LRRTM4: variants seen among roughly 807,000 people sequenced by gnomAD.
LRRTM4 encodes leucine-rich repeat transmembrane neuronal protein 4.
In LRRTM4, 25 loss-of-function variants were observed where a neutral mutation model predicts 47.6. The ratio of observed to expected loss-of-function variants is 0.53; its 90% confidence interval spans 0.38 to 0.73. The LOEUF (loss-of-function observed/expected upper bound fraction) is 0.73, where lower values mean the gene tolerates loss of function less well. Among genes scored for constraint, LRRTM4 ranks in the 30% least tolerant of loss-of-function variants. LRRTM4 has a pLI of 0.00. For missense variants in LRRTM4, 638 were observed against 713.4 expected (o/e 0.89, Z 1.20); for synonymous variants, 311 against 269.5 (o/e 1.15, Z -1.51).
chr2:76,792,950 G>C (rs759755802), intron 3 of LRRTM4, among the ~76,000 whole-genome samples: 4 of 152,138 alleles, frequency 2.6e-5, no homozygotes, highest in Non-Finnish European at 4.4e-5. Flanking sequence ...GGTGGAGGGT[G>C]AATCCTGTCT....
chr2:77,086,654 GTTTA>G lies in LRRTM4; in HGVS notation c.1552-337742_1552-337739del, dbSNP rs202239631. Among the ~76,000 whole-genome samples the G allele has an allele frequency of 2.5e-3, 375 of 150,904 alleles. 4 individuals are homozygous for G. Among genetic ancestry groups the G allele is most frequent in the African/African-American group, 6.7e-3 (271 of 40,682 alleles). On this transcript the variant is annotated intron_variant, in intron 3 of 3. Transcript: ENST00000409884. ...CACCATGCCTGACTTTCGTTTGTTTGTTTATTTGTTTGTTATTTTTAGTAGAGAC... is the reference window on the plus strand; with the variant it reads ...CACCATGCCTGACTTTCGTTTGTTTGTTTGTTTGTTATTTTTAGTAGAGAC...
chr2:77,321,209 C>A (rs1677778837), intron 3 of LRRTM4, among the ~76,000 whole-genome samples: 1 of 152,114 alleles, frequency 6.6e-6, no homozygotes, highest in Non-Finnish European at 1.5e-5. Flanking sequence ...AAAAATGTTT[C>A]TCTCTTGCAT....
intron 3 of LRRTM4, among the ~76,000 whole-genome samples, chr2:77,103,667 A>ATATATATATATATCTC (rs145819033): frequency 1.4e-5 from 2 of 146,274 alleles, no homozygotes; most frequent in Non-Finnish European, 3.0e-5. Flanking sequence ...ATATATAGAT[A>ATATATATATATATCTC]TATATATCAC....
intron 3 of LRRTM4, among the ~76,000 whole-genome samples, chr2:77,381,169 C>T (rs1001442595): frequency 2.0e-5 from 3 of 151,800 alleles, no homozygotes; most frequent in African/African-American, 7.3e-5. Flanking sequence ...GGAACTGAAG[C>T]ACAATAAACA....
At chr2:77,149,553 T>C (rs1356033958) in intron 3 of LRRTM4, among the ~76,000 whole-genome samples, 1 of 152,198 alleles carries the variant, frequency 6.6e-6, no homozygotes, top group Non-Finnish European at 1.5e-5. Context: ...CTTGCTAATG[T>C]ATGTGATCTG....
At chr2:76,892,497 T>C (rs1483721741) in intron 3 of LRRTM4, among the ~76,000 whole-genome samples, 1 of 151,784 alleles carries the variant, frequency 6.6e-6, no homozygotes, top group East Asian at 1.9e-4. Flanking sequence ...CCATAAGGCA[T>C]AGTTTCTCCT....
chr2:76,829,920 A>G (rs1671300521), intron 3 of LRRTM4, among the ~76,000 whole-genome samples: 1 of 152,062 alleles, frequency 6.6e-6, no homozygotes, highest in South Asian at 2.1e-4. Flanking sequence ...AGAAACATGC[A>G]TGGACATTTA....
chr2:76,967,861 A>G (rs1319911758), intron 3 of LRRTM4, among the ~76,000 whole-genome samples: 1 of 151,316 alleles, frequency 6.6e-6, no homozygotes, highest in African/African-American at 2.4e-5. Flanking sequence ...TATAATATTC[A>G]TTCCATTCTC....
chr2:77,053,992 G>A (rs1679521653), intron 3 of LRRTM4, among the ~76,000 whole-genome samples: 1 of 152,104 alleles, frequency 6.6e-6, no homozygotes, highest in South Asian at 2.1e-4. Context: ...AAAGCTTTCA[G>A]TGAAAAGTAT....
At chr2:77,007,335 A>C (rs1677694082) in intron 3 of LRRTM4, among the ~76,000 whole-genome samples, 1 of 152,186 alleles carries the variant, frequency 6.6e-6, no homozygotes. Context: ...GGAAATGCTG[A>C]GTAACTTTAG....
At chr2:76,934,413 A>C (rs1309085132) in intron 3 of LRRTM4, among the ~76,000 whole-genome samples, 1 of 152,208 alleles carries the variant, frequency 6.6e-6, no homozygotes, top group Non-Finnish European at 1.5e-5. Flanking sequence ...GACTAGGGAC[A>C]TAACAACTAA....
At chr2:76,938,061 ATAAT>A (rs1337999347) in intron 3 of LRRTM4, among the ~76,000 whole-genome samples, 1 of 152,092 alleles carries the variant, frequency 6.6e-6, no homozygotes, top group East Asian at 1.9e-4. Context: ...GAATTATCAA[ATAAT>A]TATCTTTTCC....
intron 3 of LRRTM4, among the ~76,000 whole-genome samples, chr2:77,316,698 C>G (rs982364088): frequency 1.3e-5 from 2 of 152,062 alleles, no homozygotes; most frequent in African/African-American, 4.8e-5. Flanking sequence ...CTAGCACATG[C>G]CACCACACCT....
At chr2:77,263,182 A>AT (rs1405564385) in intron 3 of LRRTM4, among the ~76,000 whole-genome samples, 1 of 152,100 alleles carries the variant, frequency 6.6e-6, no homozygotes, top group Non-Finnish European at 1.5e-5. Context: ...TGCTGAACAC[A>AT]TAGAGGTTCC....
Position 77,427,583 on chromosome 2 carries a change from T to G in LRRTM4, c.1551+90735A>C, listed in dbSNP as rs185193788. ...TTTGAAACCAAGTTTTAGAGCAATATGAGTTTTGCAGATTAATATTCCTTG... is the reference window on the plus strand; with the variant it reads ...TTTGAAACCAAGTTTTAGAGCAATAGGAGTTTTGCAGATTAATATTCCTTG... On this transcript the variant is annotated intron_variant, in intron 3 of 3. Coordinates refer to ENST00000409884, the MANE Select transcript of LRRTM4 (RefSeq NM_001134745.3). Among the ~76,000 whole-genome samples the G allele has an allele frequency of 2.0e-5, 3 of 152,312 alleles. No individual in the cohort carries two copies. In the East Asian group the frequency reaches 5.8e-4, roughly 29 times the overall value.
chr2:76,948,317 G>A (rs1341345328), intron 3 of LRRTM4, among the ~76,000 whole-genome samples: 1 of 151,842 alleles, frequency 6.6e-6, no homozygotes, highest in African/African-American at 2.4e-5. Flanking sequence ...AGAATGGAGA[G>A]GTGTGTAACC....
chr2:77,098,207 A>G (rs1490289631), intron 3 of LRRTM4, among the ~76,000 whole-genome samples: 1 of 152,084 alleles, frequency 6.6e-6, no homozygotes, highest in African/African-American at 2.4e-5. Context: ...GGCGGCCACG[A>G]TTAGTCAAGT....
At chr2:76,775,053 C>A (rs927561581) in intron 3 of LRRTM4, among the ~76,000 whole-genome samples, 2 of 152,164 alleles carry the variant, frequency 1.3e-5, no homozygotes, top group African/African-American at 4.8e-5. Flanking sequence ...CTCCAAGATA[C>A]ATATCTTGAA....
At chr2:77,191,877 T>C (rs1390686709) in intron 3 of LRRTM4, among the ~76,000 whole-genome samples, 7 of 152,044 alleles carry the variant, frequency 4.6e-5, no homozygotes, top group Admixed American at 3.9e-4. Context: ...CACCTGGAAC[T>C]ATAATCACAA....
Sources: allele counts gnomAD v4.1 joint callset (sites outside exome capture counted in the v4.1 genomes callset), GRCh38; gene constraint gnomAD v4.1.1; transcripts MANE v1.5; gene names NCBI Gene and HGNC (gene_info 2026-07-23, HGNC 2026-07-21).